The following APBB1IP variants were observed in gnomAD, a reference collection of about 807,000 sequenced individuals.
APBB1IP encodes amyloid beta A4 precursor protein-binding family B member 1-interacting protein.
Under a neutral mutation model 64.9 loss-of-function variants are expected in APBB1IP, and 27 were observed. The observed-to-expected ratio is 0.42, with a 90% CI of 0.31 to 0.57. The LOEUF (loss-of-function observed/expected upper bound fraction) is 0.57. Ranked by LOEUF, APBB1IP falls within the 20% of genes least tolerant of loss-of-function variation. The pLI is 0.20. For missense variants in APBB1IP, 812 were observed against 845.5 expected, an observed-to-expected ratio of 0.96 and a Z score of 0.49; for synonymous variants, 392 against 331.0, an observed-to-expected ratio of 1.18 and a Z score of -2.00.
chr10:26,508,571 A>G (rs1271795077), intron 6 of APBB1IP, among the ~76,000 whole-genome samples: 1 of 151,550 alleles, frequency 6.6e-6, no homozygotes, highest in Non-Finnish European at 1.5e-5. Context: ...TAAATATGAA[A>G]GTATTTAGCT....
intron 3 of APBB1IP, among the ~76,000 whole-genome samples, chr10:26,495,156 C>T (rs915871877): frequency 2.0e-5 from 3 of 151,308 alleles, no homozygotes; most frequent in African/African-American, 7.3e-5. Flanking sequence ...TACAGGTGTG[C>T]ACCACCACAC....
chr10:26,502,030 A>T (rs1192516608), intron 5 of APBB1IP: 2 of 152,216 alleles, frequency 1.3e-5, no homozygotes, highest in African/African-American at 4.8e-5. Context: ...GTCCATGAAG[A>T]TTTCGAGGGG....
intron 2 of APBB1IP, among the ~76,000 whole-genome samples, chr10:26,475,594 C>T (rs1238158386): frequency 2.6e-5 from 4 of 152,074 alleles, no homozygotes; most frequent in African/African-American, 4.8e-5. Flanking sequence ...ATCAGACTTG[C>T]GTTTAAATCC....
intron 8 of APBB1IP, among the ~76,000 whole-genome samples, chr10:26,530,388 G>A (rs934351592): frequency 9.9e-5 from 15 of 151,764 alleles, no homozygotes; most frequent in Admixed American, 8.6e-4. Flanking sequence ...TTTTAATGCT[G>A]AGAAAAATTA....
At chr10:26,469,957 C>A (rs1455113805) in intron 2 of APBB1IP, among the ~76,000 whole-genome samples, 1 of 152,136 alleles carries the variant, frequency 6.6e-6, no homozygotes, top group African/African-American at 2.4e-5. Flanking sequence ...TCCCCTTCCT[C>A]ACTAACTACA....
chr10:26,438,747 G>A lies in APBB1IP; in HGVS notation c.-107G>A, dbSNP rs1426816760. ...CAGGGCTGACAGCACTTCCTCCCCG[G>A]GGCAGCGACCTGGAGCCCGGGTGCG... is the stretch of plus-strand genomic sequence containing the variant. On this transcript the variant is annotated 5_prime_UTR_variant, in exon 2 of 15. Transcript: ENST00000376236. 1 of 152,212 alleles carries A rather than the reference G, an allele frequency of 6.6e-6. No homozygotes were observed. The highest frequency in any genetic ancestry group is 1.5e-5 in the Non-Finnish European group (1 of 68,074). The allele number at this position is 152,212 out of a possible 1,614,324, so 9.4% of individuals were successfully genotyped here.
At chr10:26,467,706 AC>A (rs1246634176) in intron 2 of APBB1IP, among the ~76,000 whole-genome samples, 1 of 152,104 alleles carries the variant, frequency 6.6e-6, no homozygotes, top group African/African-American at 2.4e-5. Flanking sequence ...TAGCAATAAT[AC>A]TTTTGAGGTG....
intron 2 of APBB1IP, among the ~76,000 whole-genome samples, chr10:26,486,097 A>G (rs1835888167): frequency 6.6e-6 from 1 of 152,048 alleles, no homozygotes; most frequent in African/African-American, 2.4e-5. Context: ...GTAAAAAAAT[A>G]TAAATAAATT....
intron 14 of APBB1IP, among the ~76,000 whole-genome samples, chr10:26,565,474 C>T (rs1837029860): frequency 6.6e-6 from 1 of 152,128 alleles, no homozygotes; most frequent in African/African-American, 2.4e-5. Flanking sequence ...CCACGAAAGC[C>T]CCTTTAGAGA....
At chr10:26,515,886 C>A (rs1207949650) in intron 8 of APBB1IP, among the ~76,000 whole-genome samples, 2 of 152,126 alleles carry the variant, frequency 1.3e-5, no homozygotes, top group African/African-American at 4.8e-5. Context: ...TAGGCTGGAT[C>A]TAGAAACCAA....
intron 11 of APBB1IP, among the ~76,000 whole-genome samples, chr10:26,550,693 A>G (rs1836819426): frequency 1.3e-5 from 2 of 152,116 alleles, no homozygotes; most frequent in Admixed American, 6.5e-5. Context: ...TTTTGTTATA[A>G]CAGCTATTTT....
intron 6 of APBB1IP, among the ~76,000 whole-genome samples, chr10:26,509,268 A>G (rs967207650): frequency 7.9e-5 from 12 of 151,864 alleles, no homozygotes; most frequent in African/African-American, 2.9e-4. Flanking sequence ...CCAACTACAG[A>G]TGTCTGGGCT....
intron 2 of APBB1IP, among the ~76,000 whole-genome samples, chr10:26,465,770 T>C (rs546612771): frequency 6.6e-6 from 1 of 152,322 alleles, no homozygotes; most frequent in African/African-American, 2.4e-5. Context: ...AGCCTTCATT[T>C]CTTCACTTGC....
chr10:26,438,358 T>C lies in APBB1IP; in HGVS notation c.-300T>C, dbSNP rs1835300975. 2 of 152,156 alleles carry C rather than the reference T, an allele frequency of 1.3e-5. No individual in the cohort carries two copies. Among genetic ancestry groups the C allele is most frequent in the South Asian group, 4.1e-4 (2 of 4,832 alleles). The allele number at this position is 152,156 out of a possible 1,614,324, so 9.4% of individuals were successfully genotyped here. Reference sequence around the variant, plus strand: ...GGCCTCTCAGTCTTTGGTGGAACCATCACTAGGCCCCAATCCCTTAGTCCC... The same window carrying C: ...GGCCTCTCAGTCTTTGGTGGAACCACCACTAGGCCCCAATCCCTTAGTCCC... On this transcript the variant is annotated 5_prime_UTR_variant, in exon 1 of 15. Coordinates refer to ENST00000376236, the MANE Select transcript of APBB1IP (RefSeq NM_019043.4).
At chr10:26,561,191 C>T (rs1445703063) in intron 13 of APBB1IP, among the ~76,000 whole-genome samples, 2 of 149,044 alleles carry the variant, frequency 1.3e-5, no homozygotes, top group Non-Finnish European at 3.0e-5. Context: ...GCCTCAGCCT[C>T]CTGAGTAGCT....
intron 8 of APBB1IP, among the ~76,000 whole-genome samples, chr10:26,519,564 A>G (rs1222708939): frequency 1.3e-5 from 2 of 152,352 alleles, no homozygotes; most frequent in Non-Finnish European, 2.9e-5. Flanking sequence ...GCCTCCCACC[A>G]GGCCCGACTT....
intron 10 of APBB1IP, among the ~76,000 whole-genome samples, chr10:26,539,620 A>T (rs1836672870): frequency 6.6e-6 from 1 of 152,170 alleles, no homozygotes; most frequent in Non-Finnish European, 1.5e-5. Flanking sequence ...GCCAGATTTG[A>T]CCTGATAAAG....
intron 11 of APBB1IP, among the ~76,000 whole-genome samples, chr10:26,544,450 A>G (rs1836735763): frequency 6.6e-6 from 1 of 152,198 alleles, no homozygotes; most frequent in Admixed American, 6.5e-5. Context: ...GATGGAGCCT[A>G]GGAATCTTCA....
chr10:26,562,497 C>T (rs1836986551), intron 14 of APBB1IP, 68 bp downstream of exon 14: 2 of 1,371,686 alleles, frequency 1.5e-6, no homozygotes, highest in African/African-American at 1.4e-5. Flanking sequence ...CCAGTAACTG[C>T]TCTTTTAAAA....
Sources: gnomAD v4.1 joint callset for allele counts (sites outside exome capture counted in the v4.1 genomes callset) on GRCh38, gnomAD v4.1.1 for gene constraint, MANE v1.5 for transcripts, NCBI Gene and HGNC (gene_info 2026-07-23, HGNC 2026-07-21) for gene names.